THSD4: variants seen among roughly 807,000 people sequenced by gnomAD.
THSD4 encodes thrombospondin type-1 domain-containing protein 4.
THSD4 carries 69 observed loss-of-function variants against 119.0 expected under a neutral mutation model. The observed-to-expected ratio is 0.58, with a 90% CI of 0.48 to 0.71. THSD4 has a LOEUF of 0.71. THSD4 is among the 30% of genes least tolerant of loss of function. The probability of loss-of-function intolerance (pLI) is 0.00; values close to 1 mark genes in which losing one functional copy is unlikely to be tolerated. For missense variants in THSD4, 1,393 were observed against 1,391.1 expected (o/e 1.00, Z -0.02); for synonymous variants, 524 against 540.4 (o/e 0.97, Z 0.42).
chr15:71,511,416 G>C (rs780177830), intron 7 of THSD4, among the ~76,000 whole-genome samples: 1 of 152,150 alleles, frequency 6.6e-6, no homozygotes, highest in East Asian at 1.9e-4. Context: ...AAAGGCCAAG[G>C]TGTTCACTCT....
At chr15:71,566,829 C>A (rs2049250436) in intron 7 of THSD4, among the ~76,000 whole-genome samples, 1 of 151,680 alleles carries the variant, frequency 6.6e-6, no homozygotes, top group South Asian at 2.1e-4. Context: ...TTCCATGGGG[C>A]ACCTCCCTGT....
chr15:71,663,059 C>T (rs770428342), intron 8 of THSD4, among the ~76,000 whole-genome samples: 73 of 151,932 alleles, frequency 4.8e-4, no homozygotes, highest in Admixed American at 1.8e-3. Context: ...GACCAGCCTG[C>T]GCAACATCAA....
chr15:71,584,880 T>G (rs529990084), intron 7 of THSD4, among the ~76,000 whole-genome samples: 3 of 152,188 alleles, frequency 2.0e-5, no homozygotes, highest in African/African-American at 7.2e-5. Flanking sequence ...TTTATCTTCA[T>G]GATTTCCATG....
chr15:71,488,138 G>A (rs946014444), intron 7 of THSD4, among the ~76,000 whole-genome samples: 13 of 151,944 alleles, frequency 8.6e-5, no homozygotes, highest in East Asian at 3.8e-4. Flanking sequence ...CTTGGGCAGC[G>A]GTAGATTTAT....
chr15:71,389,903 G>C (rs1282997883), intron 6 of THSD4, among the ~76,000 whole-genome samples: 2 of 139,440 alleles, frequency 1.4e-5, no homozygotes, highest in Non-Finnish European at 3.0e-5. Context: ...TCCACCTCCT[G>C]GGTTCAAGTG....
At chr15:71,133,367 A>G (rs1025293788) in intron 1 of THSD4, among the ~76,000 whole-genome samples, 5 of 152,194 alleles carry the variant, frequency 3.3e-5, no homozygotes, top group African/African-American at 1.2e-4. Context: ...CCTGCATGGA[A>G]AAGAAAGCCC....
intron 7 of THSD4, among the ~76,000 whole-genome samples, chr15:71,462,627 CTGACCAT>C (rs2047444338): frequency 1.3e-5 from 2 of 152,236 alleles, no homozygotes; most frequent in African/African-American, 4.8e-5. Flanking sequence ...TGCATATCTT[CTGACCAT>C]TGACCCTTAA....
intron 7 of THSD4, among the ~76,000 whole-genome samples, chr15:71,448,610 G>C (rs970527281): frequency 1.3e-5 from 2 of 152,178 alleles, no homozygotes; most frequent in Admixed American, 6.5e-5. Context: ...TACATGAGAT[G>C]TTTTGATACA....
At chr15:71,608,092 A>G (rs1014708426) in intron 7 of THSD4, among the ~76,000 whole-genome samples, 49 of 151,940 alleles carry the variant, frequency 3.2e-4, no homozygotes, top group African/African-American at 9.4e-4. Context: ...GCGTGGTGGC[A>G]GGCACCTGTA....
At chr15:71,119,374 A>G (rs2040390067) in intron 1 of THSD4, among the ~76,000 whole-genome samples, 1 of 152,172 alleles carries the variant, frequency 6.6e-6, no homozygotes, top group Non-Finnish European at 1.5e-5. Context: ...CCGCACACCC[A>G]GGTTTGGGGA....
chr15:71,279,266 A>G (rs933539731), intron 6 of THSD4, among the ~76,000 whole-genome samples: 2 of 152,152 alleles, frequency 1.3e-5, no homozygotes, highest in Non-Finnish European at 2.9e-5. Context: ...AGGTTACGTA[A>G]CAGCTCATAG....
intron 9 of THSD4, 66 bp from the exon 10 acceptor site, chr15:71,731,055 C>T: frequency 6.8e-7 from 1 of 1,470,724 alleles, no homozygotes; most frequent in Non-Finnish European, 9.5e-7. Context: ...TCTGCAAATG[C>T]CATTGAAACC....
intron 6 of THSD4, among the ~76,000 whole-genome samples, chr15:71,275,842 TGAGGAG>T (rs1246553445): frequency 1.3e-5 from 2 of 152,178 alleles, no homozygotes; most frequent in African/African-American, 4.8e-5. Flanking sequence ...TGCCACCGTG[TGAGGAG>T]GGCTGTGTTT....
intron 7 of THSD4, among the ~76,000 whole-genome samples, chr15:71,558,808 T>C (rs1361098702): frequency 6.6e-6 from 1 of 152,182 alleles, no homozygotes; most frequent in Non-Finnish European, 1.5e-5. Context: ...CATTATGATA[T>C]TTTCTCTGAC....
intron 8 of THSD4, among the ~76,000 whole-genome samples, chr15:71,712,593 T>C (rs566021066): frequency 6.6e-6 from 1 of 152,056 alleles, no homozygotes; most frequent in Non-Finnish European, 1.5e-5. Flanking sequence ...AGAAAAACAA[T>C]AGAGAAAATT....
At chr15:71,265,351 G>A (rs967281798) in intron 6 of THSD4, among the ~76,000 whole-genome samples, 2 of 152,080 alleles carry the variant, frequency 1.3e-5, no homozygotes, top group African/African-American at 4.8e-5. Context: ...AGCACAAGGG[G>A]TTGGGGAACT....
At position 71,699,281 on chromosome 15, in the gene THSD4, C is replaced by T. The variant is rs1215222134; in HGVS notation, c.1358-29268C>T. Among the ~76,000 whole-genome samples, 3 of 56,446 alleles carry T rather than the reference C, an allele frequency of 5.3e-5. 1 individual carries two copies. The highest frequency in any genetic ancestry group is 8.7e-5 in the Non-Finnish European group (3 of 34,640). The allele number at this position is 56,446 out of a possible 152,430, so 37.0% of individuals were successfully genotyped here. A position where few individuals can be genotyped will look rare whatever the true frequency, so the allele number is the denominator to read the frequency against. Reference sequence around the variant, plus strand: ...AGGCTGGAGTGCAGTGGCGGGATCTCGGCTCACTGCAAGCTCCGCCTCCCG... The same window carrying T: ...AGGCTGGAGTGCAGTGGCGGGATCTTGGCTCACTGCAAGCTCCGCCTCCCG... On this transcript the variant is annotated intron_variant, in intron 8 of 17. Transcript: ENST00000261862.
rs780903809 is a variant in THSD4, at chr15:71,229,967, C to T, written c.465-12682C>T. On this transcript the variant is annotated intron_variant, in intron 4 of 17. Transcript: ENST00000261862. ...GAGAGAAATACCATTGCTTCCTCTA[C>T]GAGCCTTTCACATAAAAGATGCTCA... 3.5e-4 allele frequency among the ~76,000 whole-genome samples: 54 copies of T among 152,178 alleles called. 1 individual carries two copies. The highest frequency in any genetic ancestry group is 8.4e-4 in the African/African-American group (35 of 41,430).
chr15:71,502,543 C>T (rs182129062), intron 7 of THSD4, among the ~76,000 whole-genome samples: 18 of 152,108 alleles, frequency 1.2e-4, no homozygotes, highest in Admixed American at 9.8e-4. Flanking sequence ...GAACTGAGTG[C>T]AGTAGTAACA....
Sources: allele counts gnomAD v4.1 joint callset (sites outside exome capture counted in the v4.1 genomes callset), GRCh38; gene constraint gnomAD v4.1.1; transcripts MANE v1.5; gene names NCBI Gene and HGNC (gene_info 2026-07-23, HGNC 2026-07-21).